Variants in FGF2 observed in about 807,000 individuals in gnomAD.
FGF2 encodes fibroblast growth factor 2, also known as basic fibroblast growth factor bFGF.
A neutral mutation model predicts 15.9 loss-of-function variants in FGF2; 13 were observed. The ratio of observed to expected loss-of-function variants is 0.82; its 90% confidence interval spans 0.53 to 1.30. FGF2 has a LOEUF of 1.30. Ranked by LOEUF, FGF2 falls within the 50% of genes most tolerant of loss-of-function variation. The pLI, the probability that FGF2 is intolerant of heterozygous loss-of-function variation, is 0.00. For synonymous variants in FGF2, 90 were observed against 78.4 expected, an observed-to-expected ratio of 1.15 and a Z score of -0.78; for missense variants, 163 against 196.9, an observed-to-expected ratio of 0.83 and a Z score of 1.03.
chr4:122,843,570 G>T (rs1267981669), intron 1 of FGF2, among the ~76,000 whole-genome samples: 2 of 152,154 alleles, frequency 1.3e-5, no homozygotes, highest in Admixed American at 1.3e-4. Context: ...AATGATTTCA[G>T]TTATCCAATT....
At position 122,893,092 on chromosome 4, in the gene FGF2, T is replaced by C. The variant is rs771737486; in HGVS notation, c.*696T>C. 2.5e-6 allele frequency: 4 copies of C among 1,614,064 alleles called. No individual in the cohort carries two copies. The highest frequency in any genetic ancestry group is 3.4e-6 in the Non-Finnish European group (4 of 1,180,040). ...AATTTATGGTGAATGAATATGGCTTTAGGCGGCAGATGATATACATATCTG... is the reference window on the plus strand; with the variant it reads ...AATTTATGGTGAATGAATATGGCTTCAGGCGGCAGATGATATACATATCTG... On this transcript the variant is annotated 3_prime_UTR_variant, in exon 3 of 3. Transcript: ENST00000644866.
intron 2 of FGF2, chr4:122,883,322 TG>T (rs968233093): frequency 1.3e-5 from 2 of 152,242 alleles, no homozygotes; most frequent in Non-Finnish European, 2.9e-5. Context: ...AAGACTAATT[TG>T]TATACCGTTT....
chr4:122,843,837 T>C (rs1726046349), intron 1 of FGF2, among the ~76,000 whole-genome samples: 1 of 152,224 alleles, frequency 6.6e-6, no homozygotes, highest in Non-Finnish European at 1.5e-5. Flanking sequence ...AAAGATACTG[T>C]ATTTTTAAAA....
intron 2 of FGF2, among the ~76,000 whole-genome samples, chr4:122,887,927 G>A (rs545131248): frequency 9.2e-5 from 14 of 151,992 alleles, no homozygotes; most frequent in Non-Finnish European, 1.9e-4. Flanking sequence ...AAATAAATTA[G>A]TACTTTTTAA....
rs1331710005 is a variant in FGF2 at position 122,893,474 on chromosome 4, C to T, written c.*1078C>T. On this transcript the variant is annotated 3_prime_UTR_variant, in exon 3 of 3. Coordinates refer to ENST00000644866, the MANE Select transcript of FGF2 (RefSeq NM_001361665.2). ...GGCTGCTACTTGGAGGCTTATCTAC[C>T]TGTACATTTTTGGGGTCAGCTCTTT... 3 of 358,224 alleles carry T rather than the reference C, an allele frequency of 8.4e-6. No individual in the cohort carries two copies. The highest frequency in any genetic ancestry group is 1.5e-5 in the Non-Finnish European group (3 of 202,268). 22.2% of individuals were successfully genotyped at this position (358,224 alleles called of 1,614,324 possible). A position where few individuals can be genotyped will look rare whatever the true frequency, so the allele number is the denominator to read the frequency against.
upstream of FGF2, chr4:122,826,770 G>C (rs965528241): frequency 7.5e-7 from 1 of 1,327,864 alleles, no homozygotes; most frequent in Admixed American, 3.1e-5. Context: ...CTGGGGGCGC[G>C]GGAGGCTGGT....
intron 2 of FGF2, among the ~76,000 whole-genome samples, chr4:122,886,924 C>T (rs187241306): frequency 6.6e-6 from 1 of 151,568 alleles, no homozygotes; most frequent in Non-Finnish European, 1.5e-5. Context: ...CTTCTAAGCC[C>T]TCTAAGCTTA....
intron 1 of FGF2, among the ~76,000 whole-genome samples, chr4:122,860,988 A>G (rs1452627928): frequency 1.3e-5 from 2 of 152,140 alleles, no homozygotes; most frequent in Non-Finnish European, 2.9e-5. Context: ...GTTTCCAAGT[A>G]TTGTGTGTGT....
At chr4:122,831,185 A>G (rs188359943) in intron 1 of FGF2, among the ~76,000 whole-genome samples, 8 of 152,232 alleles carry the variant, frequency 5.3e-5, no homozygotes, top group African/African-American at 1.7e-4. Flanking sequence ...CTCTTTTTTT[A>G]TCCTGAATGA....
intron 1 of FGF2, among the ~76,000 whole-genome samples, chr4:122,843,268 G>A (rs756754291): frequency 4.6e-5 from 7 of 152,192 alleles, no homozygotes; most frequent in African/African-American, 1.4e-4. Flanking sequence ...CAGACAGGGC[G>A]GGGAAGGGCA....
chr4:122,830,272 A>G (rs1725734353), intron 1 of FGF2, among the ~76,000 whole-genome samples: 1 of 152,194 alleles, frequency 6.6e-6, no homozygotes, highest in Non-Finnish European at 1.5e-5. Flanking sequence ...ACTGTGATAT[A>G]AATGATGGGG....
intron 1 of FGF2, among the ~76,000 whole-genome samples, chr4:122,860,348 A>G (rs569823420): frequency 1.3e-5 from 2 of 152,254 alleles, no homozygotes; most frequent in South Asian, 4.1e-4. Flanking sequence ...TAACTTTAAA[A>G]GAAACTTTTT....
At chr4:122,866,627 A>G (rs536434811) in intron 1 of FGF2, among the ~76,000 whole-genome samples, 1 of 152,382 alleles carries the variant, frequency 6.6e-6, no homozygotes, top group Non-Finnish European at 1.5e-5. Context: ...TCAAAACCAC[A>G]GTGAGATATT....
chr4:122,834,465 C>G (rs1725824538), intron 1 of FGF2, among the ~76,000 whole-genome samples: 1 of 152,174 alleles, frequency 6.6e-6, no homozygotes, highest in Non-Finnish European at 1.5e-5. Context: ...CCACTTAAAT[C>G]ATTCTTATGA....
chr4:122,893,041 A>T lies in FGF2; in HGVS notation c.*645A>T. ...CCAGGTCATTGAGATCCATCCACTC[A>T]CATCTTAAGCATTCTTCCTGGCAAA... is the stretch of plus-strand genomic sequence containing the variant. On this transcript the variant is annotated 3_prime_UTR_variant, in exon 3 of 3. Transcript: ENST00000644866. 6.2e-7 allele frequency: 1 copy of T among 1,614,156 alleles called. No homozygotes were observed.
intron 1 of FGF2, among the ~76,000 whole-genome samples, chr4:122,857,867 T>A (rs1726373025): frequency 6.6e-6 from 1 of 152,228 alleles, no homozygotes; most frequent in Admixed American, 6.5e-5. Flanking sequence ...TTAATTAAAT[T>A]GTTTTAATTA....
intron 1 of FGF2, among the ~76,000 whole-genome samples, chr4:122,853,912 A>T (rs565842379): frequency 8.1e-4 from 123 of 152,362 alleles, no homozygotes; most frequent in Middle Eastern, 3.4e-3. Flanking sequence ...TGCAGAATGC[A>T]GTTTTGTTAA....
intron 1 of FGF2, among the ~76,000 whole-genome samples, chr4:122,857,783 T>C (rs1726371520): frequency 6.6e-6 from 1 of 152,246 alleles, no homozygotes; most frequent in African/African-American, 2.4e-5. Flanking sequence ...ATTACATAAG[T>C]TAAATGGTAT....
intron 1 of FGF2, among the ~76,000 whole-genome samples, chr4:122,834,334 T>C (rs1725822321): frequency 6.6e-6 from 1 of 152,248 alleles, no homozygotes. Context: ...AGGTATGCTG[T>C]GCATTGTTTT....
Sources: gnomAD v4.1 joint callset for allele counts (sites outside exome capture counted in the v4.1 genomes callset) on GRCh38, gnomAD v4.1.1 for gene constraint, MANE v1.5 for transcripts, NCBI Gene and HGNC (gene_info 2026-07-23, HGNC 2026-07-21) for gene names.